The following LRPPRC variants were observed in gnomAD, a reference collection of about 807,000 sequenced individuals.
LRPPRC encodes leucine-rich PPR motif-containing protein, mitochondrial.
In LRPPRC, 120 loss-of-function variants were observed where a neutral mutation model predicts 180.3. The ratio of observed to expected loss-of-function variants is 0.67; its 90% CI spans 0.57 to 0.77. The LOEUF (loss-of-function observed/expected upper bound fraction) is 0.77. Among genes scored for constraint, LRPPRC ranks in the 30% least tolerant of loss-of-function variants. The probability of loss-of-function intolerance (pLI) is 0.00; values close to 1 mark genes in which losing one functional copy is unlikely to be tolerated. For synonymous variants in LRPPRC, 723 were observed against 600.0 expected (o/e 1.21, Z -3.00); for missense variants, 2,012 against 1,657.2 (o/e 1.21, Z -3.72).
At chr2:43,948,024 T>C in intron 18 of LRPPRC, 98 bp downstream of exon 18, 1 of 880,772 alleles carries the variant, frequency 1.1e-6, no homozygotes. Context: ...GAAACAAATT[T>C]TTTTTCTGAC....
chr2:43,945,529 T>C (rs753069007), intron 21 of LRPPRC, 112 bp from the exon 22 acceptor site: 6 of 725,354 alleles, frequency 8.3e-6, no homozygotes, highest in East Asian at 2.6e-5. Flanking sequence ...TGAACTAATG[T>C]TGGCCTCTAC....
intron 14 of LRPPRC, among the ~76,000 whole-genome samples, chr2:43,956,430 G>A (rs549699636): frequency 6.6e-6 from 1 of 151,692 alleles, no homozygotes; most frequent in East Asian, 2.0e-4. Flanking sequence ...GAAAGATCCA[G>A]TGTCATTATG....
At chr2:43,921,578 T>C (rs1188063146) in intron 27 of LRPPRC, among the ~76,000 whole-genome samples, 1 of 152,068 alleles carries the variant, frequency 6.6e-6, no homozygotes, top group Admixed American at 6.5e-5. Flanking sequence ...AATACATGGA[T>C]ATAAAGGTAG....
intron 30 of LRPPRC, among the ~76,000 whole-genome samples, chr2:43,909,732 T>G (rs1671191432): frequency 6.6e-6 from 1 of 152,120 alleles, no homozygotes; most frequent in East Asian, 1.9e-4. Context: ...TGTATACTTA[T>G]CCCCAAACTC....
At chr2:43,973,579 T>C (rs1673912640) in intron 11 of LRPPRC, 28 bp downstream of exon 11, 5 of 1,457,744 alleles carry the variant, frequency 3.4e-6, no homozygotes, top group Non-Finnish European at 4.8e-6. Context: ...TGGGAACCAT[T>C]ACAAATCGGT....
chr2:43,921,601 G>A (rs1671702488), intron 27 of LRPPRC, among the ~76,000 whole-genome samples: 2 of 152,196 alleles, frequency 1.3e-5, no homozygotes. Flanking sequence ...AGAGGGCAAT[G>A]TACAGAGAAG....
At chr2:43,941,504 C>T (rs1056277136) in intron 23 of LRPPRC, among the ~76,000 whole-genome samples, 7 of 152,160 alleles carry the variant, frequency 4.6e-5, no homozygotes, top group African/African-American at 1.7e-4. Flanking sequence ...CATGATATTA[C>T]TGAAGATTAT....
intron 1 of LRPPRC, among the ~76,000 whole-genome samples, chr2:43,991,032 A>AT (rs35612386): frequency 0.29 from 37,512 of 129,578 alleles, 6,111 homozygotes; most frequent in Non-Finnish European, 0.39. Flanking sequence ...AGATACTTTT[A>AT]TTTTTTTTTT....
chr2:43,947,439 T>A, intron 19 of LRPPRC, 69 bp from the exon 20 acceptor site: 1 of 780,428 alleles, frequency 1.3e-6, no homozygotes, highest in African/African-American at 1.7e-5. Flanking sequence ...TTGTCACTCT[T>A]CCCTTTAAAC....
chr2:43,945,826 A>G (rs1421093639), intron 21 of LRPPRC, among the ~76,000 whole-genome samples: 1 of 152,104 alleles, frequency 6.6e-6, no homozygotes, highest in African/African-American at 2.4e-5. Flanking sequence ...CAAGCCTCTT[A>G]AAACAGTTAC....
chr2:43,971,587 TTGTC>T (rs1453438143), intron 11 of LRPPRC, among the ~76,000 whole-genome samples: 3 of 151,100 alleles, frequency 2.0e-5, no homozygotes, highest in African/African-American at 7.3e-5. Context: ...TGGTTCCACT[TTGTC>T]TGATCCCCAA....
Position 43,934,274 on chromosome 2 carries a change from T to G in LRPPRC, c.2652A>C (p.Glu884Asp). The change falls in exon 25 of 38, where the codon GAA becomes GAC. Residue 884 changes from glutamate to aspartate, a missense_variant. Physicochemically the swap from Glu to Asp is conservative, Grantham distance 45 (BLOSUM62 2). Coordinates refer to ENST00000260665, the MANE Select transcript of LRPPRC (RefSeq NM_133259.4). ...IQKAMDFVSQ[E>D]QGEMVMLYDL... ...CATAGAGCATCACCATTTCACCTTG[T>G]TCTTGGCTCACAAAGTCCATTGCTA... 6.2e-7 allele frequency: 1 copy of G among 1,608,194 alleles called. No homozygotes were observed. Among genetic ancestry groups the G allele is most frequent in the South Asian group, 1.1e-5 (1 of 90,894 alleles).
intron 14 of LRPPRC, among the ~76,000 whole-genome samples, chr2:43,951,374 A>T (rs563809538): frequency 6.6e-6 from 1 of 152,334 alleles, no homozygotes; most frequent in Non-Finnish European, 1.5e-5. Context: ...GGACAAGGAA[A>T]GTAGAGAACA....
In LRPPRC at chr2:43,973,728, C is replaced by T; in HGVS notation, c.1262-14G>A. 1.2e-6 allele frequency: 2 copies of T among 1,605,308 alleles called. No homozygotes were observed. Among genetic ancestry groups the T allele is most frequent in the Non-Finnish European group, 1.7e-6 (2 of 1,171,976 alleles). On this transcript the variant is annotated splice_polypyrimidine_tract_variant and intron_variant, in intron 10 of 37. Coordinates refer to ENST00000260665, the MANE Select transcript of LRPPRC (RefSeq NM_133259.4). ...CTTTTGCCAAATCTGAAAGAGATAT[C>T]ATAAAAGATCACAAAGCTACCTCAG...
At chr2:43,913,739 C>G (rs1159732861) in intron 29 of LRPPRC, among the ~76,000 whole-genome samples, 2 of 152,144 alleles carry the variant, frequency 1.3e-5, no homozygotes, top group Non-Finnish European at 2.9e-5. Flanking sequence ...CCCTGTTAGT[C>G]ATTAAATTTC....
Position 43,918,327 on chromosome 2 carries a change from C to T in LRPPRC, c.2968G>A (p.Glu990Lys), listed in dbSNP as rs1169781004. 2 of 1,610,270 alleles carry T rather than the reference C, an allele frequency of 1.2e-6. No individual in the cohort carries two copies. The highest frequency in any genetic ancestry group is 8.5e-7 in the Non-Finnish European group (1 of 1,176,698). Residue 990 changes from glutamate to lysine, a missense_variant, in exon 28 of 38, where the codon GAA becomes AAA. Physicochemically the swap from Glu to Lys is moderately conservative, Grantham distance 56. Transcript: ENST00000260665. Reference sequence around the variant, plus strand: ...TCTGCTAATAATCTTAATGTCTTTTCACGAGGAATAACATTTTCTTCTTGG... The same window carrying T: ...TCTGCTAATAATCTTAATGTCTTTTTACGAGGAATAACATTTTCTTCTTGG... ...KIQEENVIPR[E>K]KTLRLLAEIL...
rs760952279 is a variant in LRPPRC at position 43,973,621 on chromosome 2, T to G, written c.1355A>C (p.Glu452Ala). The G allele has an allele frequency of 1.2e-6, 2 of 1,612,820 alleles. No individual in the cohort carries two copies. The highest frequency in any genetic ancestry group is 2.7e-5 in the African/African-American group (2 of 74,914). The change falls in exon 11 of 38, where the codon GAA becomes GCA. Residue 452 changes from glutamate to alanine, a missense_variant. Glu to Ala is a moderately radical substitution (Grantham distance 107). Coordinates refer to ENST00000260665, the MANE Select transcript of LRPPRC (RefSeq NM_133259.4). The stretch of plus-strand genomic sequence containing the variant: ...CAAAATCTAACCTTGAACATTTTTT[T>G]CCTTCCGACGTCCAACTAGCAATGG... ...FWPLLVGRRK[E>A]KNVQGIIEIL...
chr2:43,928,216 G>C (rs551176375), intron 25 of LRPPRC, among the ~76,000 whole-genome samples: 2 of 151,810 alleles, frequency 1.3e-5, no homozygotes, highest in Non-Finnish European at 2.9e-5. Flanking sequence ...ACTTGTATAG[G>C]GGAAAAAAAA....
At chr2:43,894,481 A>G (rs946687798) in intron 36 of LRPPRC, 64 bp downstream of exon 36, 1 of 824,580 alleles carries the variant, frequency 1.2e-6, no homozygotes, top group African/African-American at 1.7e-5. Context: ...CATTTACATG[A>G]TATAGTCACT....
Sources: allele counts gnomAD v4.1 joint callset (sites outside exome capture counted in the v4.1 genomes callset), GRCh38; gene constraint gnomAD v4.1.1; transcripts MANE v1.5; gene names NCBI Gene and HGNC (gene_info 2026-07-23, HGNC 2026-07-21).